Variants in ZNF395 observed in about 807,000 individuals in gnomAD.
ZNF395 encodes HD gene regulatory region-binding protein 2.
ZNF395 carries 20 observed loss-of-function variants against 57.7 expected under a neutral mutation model. The ratio of observed to expected loss-of-function variants is 0.35; its 90% CI spans 0.24 to 0.50. ZNF395 has a LOEUF of 0.50. Ranked by LOEUF, ZNF395 falls within the 20% of genes least tolerant of loss-of-function variation. The probability of loss-of-function intolerance (pLI) is 0.97; values close to 1 mark genes in which losing one functional copy is unlikely to be tolerated. For synonymous variants in ZNF395, 295 were observed against 275.9 expected, an observed-to-expected ratio of 1.07 and a Z score of -0.69; for missense variants, 606 against 671.2, an observed-to-expected ratio of 0.90 and a Z score of 1.07.
intron 1 of ZNF395, among the ~76,000 whole-genome samples, chr8:28,369,948 CA>C (rs1177064291): frequency 6.6e-6 from 1 of 152,244 alleles, no homozygotes; most frequent in Non-Finnish European, 1.5e-5. Context: ...CTGGTCCACA[CA>C]GCCAGCACTT....
At chr8:28,383,076 A>G (rs1207474353) in intron 1 of ZNF395, among the ~76,000 whole-genome samples, 1 of 152,202 alleles carries the variant, frequency 6.6e-6, no homozygotes, top group African/African-American at 2.4e-5. Context: ...GCTTCATGCA[A>G]TTATTCTTTG....
rs1016612634 is a variant in ZNF395, at chr8:28,347,653, G to T, written c.*1066C>A. 3.3e-5 allele frequency: 5 copies of T among 152,146 alleles called. No individual in the cohort carries two copies. Among genetic ancestry groups the T allele is most frequent in the African/African-American group, 9.7e-5 (4 of 41,390 alleles). 9.4% of individuals were successfully genotyped at this position (152,146 alleles called of 1,614,324 possible). The stretch of plus-strand genomic sequence containing the variant: ...GCTCACGGGTGCAAGGACTCTCCTT[G>T]GCCTTCCTCATCCTGCTTTCAGGCA... On this transcript the variant is annotated 3_prime_UTR_variant, in exon 10 of 10. Coordinates refer to ENST00000344423, the MANE Select transcript of ZNF395 (RefSeq NM_018660.3).
At chr8:28,355,744 T>C (rs1801771165) in intron 4 of ZNF395, among the ~76,000 whole-genome samples, 1 of 152,208 alleles carries the variant, frequency 6.6e-6, no homozygotes, top group Admixed American at 6.5e-5. Context: ...CACAGCTAGG[T>C]GTCCTCATAA....
chr8:28,379,751 C>A (rs1312176690), intron 1 of ZNF395, among the ~76,000 whole-genome samples: 2 of 151,250 alleles, frequency 1.3e-5, no homozygotes, highest in African/African-American at 4.9e-5. Context: ...TTTACCCTTT[C>A]TTGTCCTTGA....
chr8:28,365,154 C>T (rs1801896005), intron 1 of ZNF395, among the ~76,000 whole-genome samples: 1 of 152,236 alleles, frequency 6.6e-6, no homozygotes, highest in African/African-American at 2.4e-5. Flanking sequence ...CTGTGTTAAT[C>T]AGCACACTCA....
chr8:28,357,207 A>G (rs980585655), intron 3 of ZNF395, among the ~76,000 whole-genome samples: 1 of 152,156 alleles, frequency 6.6e-6, no homozygotes, highest in Non-Finnish European at 1.5e-5. Flanking sequence ...AAGCACAACA[A>G]TTACCTCCTT....
chr8:28,359,850 T>G lies in ZNF395; in HGVS notation c.241-26A>C. 6.2e-7 allele frequency: 1 copy of G among 1,607,504 alleles called. No individual in the cohort carries two copies. The highest frequency in any genetic ancestry group is 1.1e-5 in the South Asian group (1 of 90,674). On this transcript the variant is annotated intron_variant, in intron 2 of 9. Transcript: ENST00000344423. This position sits in a 1 kb window ranked among gnomAD's most constrained non-coding sequence, Gnocchi z 4.7. Reference sequence around the variant, plus strand: ...CTGTGGGAAGAGGGACAGCAGTTAGTGGTCAGCCCTGGATGGGTCTCGCCC... The same window carrying G: ...CTGTGGGAAGAGGGACAGCAGTTAGGGGTCAGCCCTGGATGGGTCTCGCCC...
Position 28,353,364 on chromosome 8 carries a change from A to C in ZNF395, c.628T>G (p.Ser210Ala), listed in dbSNP as rs1243994325. The change falls in exon 5 of 10, where the codon TCG (serine) becomes GCG (alanine). Residue 210 changes from serine to alanine, a missense_variant. Physicochemically the swap from Ser to Ala is moderately conservative, Grantham distance 99. This residue lies in a region of ZNF395 where 309 missense variants were observed against 374.7 expected (regional missense o/e 0.82). Transcript: ENST00000344423. ...CTGGTAGTGCTGCTGCCGCTGTCCGAGATGTCACCACTCTCCTTCCATGGG... is the reference window on the plus strand; with the variant it reads ...CTGGTAGTGCTGCTGCCGCTGTCCGCGATGTCACCACTCTCCTTCCATGGG... ...CDPWKESGDI[S>A]DSGSSTTSGH... 1 of 1,591,310 alleles carries C rather than the reference A, an allele frequency of 6.3e-7. No homozygotes were observed. Among genetic ancestry groups the C allele is most frequent in the Admixed American group, 1.7e-5 (1 of 58,032 alleles).
intron 1 of ZNF395, among the ~76,000 whole-genome samples, chr8:28,374,289 G>A (rs1802011647): frequency 6.6e-6 from 1 of 152,288 alleles, no homozygotes; most frequent in Admixed American, 6.5e-5. Flanking sequence ...TATAGGTATA[G>A]ATGTGAGTAT....
chr8:28,353,202 G>A lies in ZNF395; in HGVS notation c.790C>T (p.Leu264=). The A allele has an allele frequency of 1.2e-6, 2 of 1,613,634 alleles. No individual in the cohort carries two copies. The highest frequency in any genetic ancestry group is 1.7e-6 in the Non-Finnish European group (2 of 1,179,904). The change falls in exon 5 of 10, where the codon CTG becomes TTG. Residue 264 remains leucine, a synonymous_variant. Coordinates refer to ENST00000344423, the MANE Select transcript of ZNF395 (RefSeq NM_018660.3). ...GFETDPDPFL[L]DEPAPRKRKN... The stretch of plus-strand genomic sequence containing the variant: ...CTTTTTCGTGGAGCTGGTTCGTCCA[G>A]CAGGAAAGGGTCAGGATCGGTCTCA...
Position 28,351,616 on chromosome 8 carries a change from A to C in ZNF395, c.1112T>G (p.Leu371Arg). 1 of 1,613,672 alleles carries C rather than the reference A, an allele frequency of 6.2e-7. No individual in the cohort carries two copies. Among genetic ancestry groups the C allele is most frequent in the Non-Finnish European group, 8.5e-7 (1 of 1,180,006 alleles). The change falls in exon 7 of 10, where the codon CTG becomes CGG. Residue 371 changes from leucine to arginine, a missense_variant. Physicochemically the swap from Leu to Arg is moderately radical, Grantham distance 102 (BLOSUM62 -2). This residue lies in a region of ZNF395 where 261 missense variants were observed against 240.3 expected (regional missense o/e 1.09). Transcript: ENST00000344423. ...TGGGCCGGAGGACTGGGCTTTGTGC[A>C]GAGGTGGTGGAAGAGCAGACAGAGG... ...GLPLSALPPP[L>R]HKAQSSGPEH...
chr8:28,360,922 G>C lies in ZNF395; in HGVS notation c.203C>G (p.Ser68Trp), dbSNP rs374858635. Residue 68 changes from serine (S) to tryptophan (W), a missense_variant, in exon 2 of 10, where the codon TCG becomes TGG. Physicochemically the swap from Ser to Trp is radical, Grantham distance 177. Coordinates refer to ENST00000344423, the MANE Select transcript of ZNF395 (RefSeq NM_018660.3). ...CTGAAAGGCCACCTGCTGAAGGCCC[G>C]AGGTGCTGGGAGCCTTAAGGACTTC... is the stretch of plus-strand genomic sequence containing the variant. The part of the protein sequence containing the change: ...PKEVLKAPST[S>W]GLQQVAFQPG... The C allele has an allele frequency of 2.5e-6, 4 of 1,613,968 alleles. No homozygotes were observed. Among genetic ancestry groups the C allele is most frequent in the Non-Finnish European group, 2.5e-6 (3 of 1,179,992 alleles).
At chr8:28,367,922 T>C (rs1801930495) in intron 1 of ZNF395, among the ~76,000 whole-genome samples, 1 of 152,208 alleles carries the variant, frequency 6.6e-6, no homozygotes, top group East Asian at 1.9e-4. Context: ...AGACAGGGTT[T>C]CCTTAAAAAC....
In ZNF395 at chr8:28,377,647, T is replaced by TC. The variant is rs540918572; in HGVS notation, c.-59+8745dup. ...AGGAAGTGGGAGGAGACATTCAAGG[T>TC]CACTCCACATTCTCCACGGCCAAGC... On this transcript the variant is annotated intron_variant, in intron 1 of 9. Transcript: ENST00000344423. Among the ~76,000 whole-genome samples, 27 of 151,220 alleles carry TC rather than the reference T, an allele frequency of 1.8e-4. No individual in the cohort carries two copies. The South Asian group carries it at 4.4e-3, about 25-fold the overall frequency.
chr8:28,356,955 C>A lies in ZNF395; in HGVS notation c.474-176G>T, dbSNP rs17059010. On this transcript the variant is annotated intron_variant, in intron 3 of 9. Coordinates refer to ENST00000344423, the MANE Select transcript of ZNF395 (RefSeq NM_018660.3). This position sits in a 1 kb window ranked among gnomAD's most constrained non-coding sequence, Gnocchi z 4.0. The stretch of plus-strand genomic sequence containing the variant: ...AGTGTGTGCTCAGATCATATAAACT[C>A]AGTGAAACATGAAGGTCTCCCCTTC... 0.11 allele frequency among the ~76,000 whole-genome samples: 16,664 copies of A among 152,128 alleles called. 2,969 individuals are homozygous for A. Among genetic ancestry groups the A allele is most frequent in the African/African-American group, 0.37 (15,342 of 41,406 alleles).
rs745816655 is a variant in ZNF395 at position 28,348,787 on chromosome 8, T to C, written c.1474A>G (p.Ile492Val). ...GTGCACCACTGGTCCCGGTGCTCGA[T>C]GCCATACACCTTGCGGCACTTCTTA... ...EAKKCRKVYG[I>V]EHRDQWCTAC... Residue 492 changes from isoleucine to valine, a missense_variant, in exon 10 of 10, where the codon ATC becomes GTC. Ile to Val is a conservative substitution (Grantham distance 29, BLOSUM62 3). This residue lies in a region of ZNF395 where 36 missense variants were observed against 56.2 expected (regional missense o/e 0.64). Coordinates refer to ENST00000344423, the MANE Select transcript of ZNF395 (RefSeq NM_018660.3). 6 of 1,614,104 alleles carry C rather than the reference T, an allele frequency of 3.7e-6. No homozygotes were observed. The highest frequency in any genetic ancestry group is 5.1e-6 in the Non-Finnish European group (6 of 1,180,022).
intron 8 of ZNF395, 42 bp from the exon 9 acceptor site, chr8:28,349,270 G>A (rs766018564): frequency 1.4e-6 from 2 of 1,467,330 alleles, no homozygotes; most frequent in South Asian, 2.8e-5. Context: ...GGACATTCAG[G>A]AAAGGTGAGG....
intron 1 of ZNF395, among the ~76,000 whole-genome samples, chr8:28,366,798 T>C (rs1467583996): frequency 7.0e-6 from 1 of 142,158 alleles, no homozygotes; most frequent in Non-Finnish European, 1.5e-5. Flanking sequence ...CTGGTATGTC[T>C]TCCCCAAAGA....
chr8:28,378,880 A>G (rs1178202179), intron 1 of ZNF395, among the ~76,000 whole-genome samples: 1 of 152,236 alleles, frequency 6.6e-6, no homozygotes, highest in African/African-American at 2.4e-5. Flanking sequence ...TCTGTTGGAC[A>G]GATCTGCCAG....
Sources: allele counts gnomAD v4.1 joint callset (sites outside exome capture counted in the v4.1 genomes callset), GRCh38; gene constraint gnomAD v4.1.1; regional missense constraint gnomAD v4.1.1; non-coding constraint Gnocchi (gnomAD v3.1); transcripts MANE v1.5; gene names NCBI Gene and HGNC (gene_info 2026-07-23, HGNC 2026-07-21).